Variants in L3MBTL4 observed in about 807,000 individuals in gnomAD.
L3MBTL4 encodes L3MBTL histone methyl-lysine binding protein 4.
L3MBTL4 carries 70 observed loss-of-function variants against 84.5 expected under a neutral mutation model. That is an observed-to-expected ratio of 0.83 (90% CI 0.68 to 1.01). L3MBTL4 has a LOEUF of 1.01. L3MBTL4 is among the 50% of genes least tolerant of loss of function. L3MBTL4 has a pLI of 0.00. For synonymous variants in L3MBTL4, 274 were observed against 259.8 expected, an observed-to-expected ratio of 1.05 and a Z score of -0.52; for missense variants, 715 against 754.8, an observed-to-expected ratio of 0.95 and a Z score of 0.62.
At chr18:6,245,453 C>T (rs2047621240) in intron 5 of L3MBTL4, among the ~76,000 whole-genome samples, 1 of 152,148 alleles carries the variant, frequency 6.6e-6, no homozygotes. Flanking sequence ...CTTGGCTCTT[C>T]ACTGTGTTTA....
At chr18:6,227,471 CATAGCTAAAACCTTCCCAGAAACA>C (rs1345357471) in intron 10 of L3MBTL4, among the ~76,000 whole-genome samples, 11 of 152,284 alleles carry the variant, frequency 7.2e-5, no homozygotes, top group Middle Eastern at 3.4e-3. Context: ...AAATTGAATT[CATAGCTAAAACCTTCCCAGAAACA>C]AAACCTCAAG....
intron 13 of L3MBTL4, among the ~76,000 whole-genome samples, chr18:6,151,535 G>A (rs2042894905): frequency 6.6e-6 from 1 of 152,046 alleles, no homozygotes; most frequent in Non-Finnish European, 1.5e-5. Flanking sequence ...TGGGATTACA[G>A]GCACGCGCCA....
At chr18:6,267,719 C>A (rs2048695835) in intron 4 of L3MBTL4, among the ~76,000 whole-genome samples, 1 of 152,168 alleles carries the variant, frequency 6.6e-6, no homozygotes, top group African/African-American at 2.4e-5. Flanking sequence ...CTAAGGCCTC[C>A]TTTTATGATC....
intron 14 of L3MBTL4, among the ~76,000 whole-genome samples, chr18:6,130,211 T>A (rs1262484119): frequency 6.6e-6 from 1 of 152,096 alleles, no homozygotes; most frequent in African/African-American, 2.4e-5. Flanking sequence ...CCAGTTCAGG[T>A]GAGTTCCAGG....
chr18:6,285,802 A>G (rs2049545727), intron 4 of L3MBTL4, among the ~76,000 whole-genome samples: 2 of 145,510 alleles, frequency 1.4e-5, no homozygotes, highest in South Asian at 4.4e-4. Flanking sequence ...GAACTTTTTT[A>G]AAAGATATAT....
At chr18:5,999,772 G>A (rs1230636572) in intron 16 of L3MBTL4, among the ~76,000 whole-genome samples, 12 of 152,220 alleles carry the variant, frequency 7.9e-5, no homozygotes, top group Non-Finnish European at 1.5e-5. Flanking sequence ...GGGCTGAGTG[G>A]TGGCCGATCT....
In L3MBTL4 at chr18:6,025,237, C is replaced by G. The variant is rs535555566; in HGVS notation, c.1444+55644G>C. On this transcript the variant is annotated intron_variant, in intron 16 of 18. Transcript: ENST00000317931. ...ATTGGATAGCTGCAGCACTGATCGC[C>G]CAGGTAAATGTCACAAAAATATCTA... 2.0e-5 allele frequency: 3 copies of G among 152,260 alleles called. No individual in the cohort carries two copies. In the South Asian group the frequency reaches 6.2e-4, roughly 32 times the overall value. The allele number at this position is 152,260 out of a possible 1,614,324, so 9.4% of individuals were successfully genotyped here.
At chr18:6,137,301 A>C (rs2060054230) in intron 14 of L3MBTL4, among the ~76,000 whole-genome samples, 1 of 152,214 alleles carries the variant, frequency 6.6e-6, no homozygotes, top group Admixed American at 6.5e-5. Context: ...AGATTTACAC[A>C]TATCACATTT....
chr18:6,221,616 A>G (rs1207423532), intron 10 of L3MBTL4, among the ~76,000 whole-genome samples: 1 of 152,222 alleles, frequency 6.6e-6, no homozygotes, highest in Non-Finnish European at 1.5e-5. Flanking sequence ...AAACTTCTAA[A>G]GAGCTACTTT....
chr18:6,080,672 T>C (rs1310208495), intron 16 of L3MBTL4, among the ~76,000 whole-genome samples: 1 of 152,210 alleles, frequency 6.6e-6, no homozygotes, highest in Non-Finnish European at 1.5e-5. Flanking sequence ...CCAGTCCTTT[T>C]ACTTTTAAAA....
chr18:6,165,567 A>T (rs2043606600), intron 13 of L3MBTL4, among the ~76,000 whole-genome samples: 1 of 152,202 alleles, frequency 6.6e-6, no homozygotes, highest in Non-Finnish European at 1.5e-5. Flanking sequence ...AAAATTTCAT[A>T]TCCAGCCAAA....
At chr18:5,977,149 C>T (rs951359529) in intron 16 of L3MBTL4, among the ~76,000 whole-genome samples, 23 of 152,302 alleles carry the variant, frequency 1.5e-4, no homozygotes, top group African/African-American at 5.5e-4. Context: ...CTCAGGCCAG[C>T]CTCAGCCCCA....
chr18:6,109,385 A>G (rs1404303518), intron 14 of L3MBTL4, among the ~76,000 whole-genome samples: 1 of 152,070 alleles, frequency 6.6e-6, no homozygotes, highest in Non-Finnish European at 1.5e-5. Flanking sequence ...CATTGTTATG[A>G]GGCTTGCATT....
At chr18:6,007,000 A>C (rs1201874755) in intron 16 of L3MBTL4, among the ~76,000 whole-genome samples, 1 of 152,194 alleles carries the variant, frequency 6.6e-6, no homozygotes, top group Non-Finnish European at 1.5e-5. Context: ...AAAGTTGAAG[A>C]AAATATAGCA....
At position 6,151,576 on chromosome 18, in the gene L3MBTL4, G is replaced by A. The variant is rs145198165; in HGVS notation, c.1097-13280C>T. Reference sequence around the variant, plus strand: ...CACGGCTAATTTTTTTGTATTTTTAGTAGAGACGGGGTTTCACCATGTTGT... The same window carrying A: ...CACGGCTAATTTTTTTGTATTTTTAATAGAGACGGGGTTTCACCATGTTGT... On this transcript the variant is annotated intron_variant, in intron 13 of 18. Coordinates refer to ENST00000317931, the MANE Select transcript of L3MBTL4 (RefSeq NM_001330559.2). Among the ~76,000 whole-genome samples, 62 of 152,082 alleles carry A rather than the reference G, an allele frequency of 4.1e-4. 1 individual carries two copies. Among genetic ancestry groups the A allele is most frequent in the African/African-American group, 1.4e-3 (59 of 41,478 alleles).
chr18:6,257,689 C>T (rs1417087140), intron 5 of L3MBTL4, among the ~76,000 whole-genome samples: 2 of 146,832 alleles, frequency 1.4e-5, no homozygotes, highest in Non-Finnish European at 3.0e-5. Context: ...TCTTGTTGCC[C>T]AGGCTGGAGT....
chr18:6,303,013 T>C (rs1324888852), intron 3 of L3MBTL4, among the ~76,000 whole-genome samples: 1 of 152,080 alleles, frequency 6.6e-6, no homozygotes, highest in Admixed American at 6.5e-5. Context: ...GTAATAATTA[T>C]GTACTTAAAA....
chr18:6,383,188 C>T (rs2144385423), intron 1 of L3MBTL4, among the ~76,000 whole-genome samples: 1 of 152,254 alleles, frequency 6.6e-6, no homozygotes, highest in South Asian at 2.1e-4. Context: ...CTCAGGTCGA[C>T]CTCAGACTGC....
rs146775174 is a variant in L3MBTL4 at position 6,263,967 on chromosome 18, G to A, written c.199C>T (p.Pro67Ser). 2.8e-5 allele frequency: 45 copies of A among 1,613,604 alleles called. No homozygotes were observed. The highest frequency in any genetic ancestry group is 3.6e-5 in the Non-Finnish European group (42 of 1,179,630). ...CTGACCTTGGAAAACAGCTCAACAGGTGCTGCGACAGCCTTCTGTTCTTTC... is the reference window on the plus strand; with the variant it reads ...CTGACCTTGGAAAACAGCTCAACAGATGCTGCGACAGCCTTCTGTTCTTTC... ...YLKEQKAVAA[P>S]VELFSKDQSF... Residue 67 changes from proline to serine, a missense_variant, in exon 5 of 19, where the codon CCT becomes TCT. Coordinates refer to ENST00000317931, the MANE Select transcript of L3MBTL4 (RefSeq NM_001330559.2).
Sources: gnomAD v4.1 joint callset for allele counts (sites outside exome capture counted in the v4.1 genomes callset) on GRCh38, gnomAD v4.1.1 for gene constraint, MANE v1.5 for transcripts, NCBI Gene and HGNC (gene_info 2026-07-23, HGNC 2026-07-21) for gene names.